Variants in PTCRA observed in about 807,000 individuals in gnomAD.
PTCRA encodes pre T-cell antigen receptor alpha.
A neutral mutation model predicts 13.4 loss-of-function variants in PTCRA; 9 were observed. The ratio of observed to expected loss-of-function variants is 0.67; its 90% CI spans 0.41 to 1.18. The LOEUF is 1.18. Among genes scored for constraint, PTCRA ranks in the 50% most tolerant of loss-of-function variants. The pLI, the probability that PTCRA is intolerant of heterozygous loss-of-function variation, is 0.01. For synonymous variants in PTCRA, 153 were observed against 161.9 expected (o/e 0.94, Z 0.42); for missense variants, 353 against 359.8 (o/e 0.98, Z 0.15).
chr6:42,925,268 G>A lies in PTCRA; in HGVS notation c.432G>A (p.Pro144=), dbSNP rs753917737. 63 of 1,588,610 alleles carry A rather than the reference G, an allele frequency of 4.0e-5. No homozygotes were observed. Among genetic ancestry groups the A allele is most frequent in the Admixed American group, 2.2e-4 (13 of 58,656 alleles). Residue 144 remains proline (P), a synonymous_variant, in exon 4 of 4, where the codon CCG becomes CCA. Transcript: ENST00000304672. This position sits in a 1 kb window ranked among gnomAD's most constrained non-coding sequence, Gnocchi z 4.4. The part of the protein sequence containing the change: ...TCPQEPLRGT[P]GGALWLGVLR... ...AGCGGTTCCTCCTCGCAGGGACACC[G>A]GGTGGGGCGCTGTGGCTGGGGGTCC...
chr6:42,924,425 G>GCTAGCATGGGCCTCAGTCTAC, intron 3 of PTCRA, 152 bp downstream of exon 3: 3 of 696,560 alleles, frequency 4.3e-6, no homozygotes, highest in Non-Finnish European at 5.2e-6. Context: ...TGGGGCACTG[G>GCTAGCATGGGCCTCAGTCTAC]CTAGCATGGG....
At chr6:42,923,580 G>A (rs1418088443) in intron 2 of PTCRA, among the ~76,000 whole-genome samples, 2 of 152,172 alleles carry the variant, frequency 1.3e-5, no homozygotes, top group Middle Eastern at 3.2e-3. Flanking sequence ...TGGCTTCCAA[G>A]GATAAAAATG....
chr6:42,920,647 T>C (rs754819331), intron 1 of PTCRA, among the ~76,000 whole-genome samples: 7 of 151,972 alleles, frequency 4.6e-5, no homozygotes, highest in Non-Finnish European at 7.4e-5. Context: ...GGATGGTCTC[T>C]ATCTCCTGAC....
intron 1 of PTCRA, among the ~76,000 whole-genome samples, chr6:42,916,894 A>C (rs890989017): frequency 6.6e-6 from 1 of 152,156 alleles, no homozygotes. Flanking sequence ...AGCCCATGGC[A>C]GGAGGCCTGA....
chr6:42,919,686 C>T lies in PTCRA; in HGVS notation c.59-3341C>T, dbSNP rs367843040. 9.1e-4 allele frequency among the ~76,000 whole-genome samples: 110 copies of T among 121,524 alleles called. 1 individual carries two copies. In the South Asian group the frequency reaches 0.015, roughly 17 times the overall value. The allele number at this position is 121,524 out of a possible 152,430, so 79.7% of individuals were successfully genotyped here. ...AAGCCATGATCATGCCATTGCACTC[C>T]GGCCTGGGCAAGAGAGAGAGACTCT... On this transcript the variant is annotated intron_variant, in intron 1 of 3. Transcript: ENST00000304672.
chr6:42,925,422 C>T lies in PTCRA; in HGVS notation c.586C>T (p.Leu196=), dbSNP rs747336644. 31 of 1,555,548 alleles carry T rather than the reference C, an allele frequency of 2.0e-5. No individual in the cohort carries two copies. The South Asian group carries it at 3.4e-4, about 17-fold the overall frequency. ...CCTGCGAGCCCTCGGCTCCCATCGA[C>T]TGCACCCGGCCACGGAGACTGGGGG... is the stretch of plus-strand genomic sequence containing the variant. The part of the protein sequence containing the change: ...TRLRALGSHR[L]HPATETGGRE... The change falls in exon 4 of 4, where the codon CTG becomes TTG. Residue 196 remains leucine, a synonymous_variant. Coordinates refer to ENST00000304672, the MANE Select transcript of PTCRA (RefSeq NM_138296.3). The surrounding 1 kb of genome is among the most constrained non-coding windows in gnomAD (Gnocchi z 4.4).
intron 1 of PTCRA, among the ~76,000 whole-genome samples, chr6:42,917,546 A>ATTATTATTAT (rs1179108886): frequency 7.2e-6 from 1 of 138,348 alleles, no homozygotes; most frequent in Non-Finnish European, 1.5e-5. Flanking sequence ...TATTATTATT[A>ATTATTATTAT]TTATTATTAT....
chr6:42,924,401 C>A (rs1384665979), intron 3 of PTCRA, 128 bp downstream of exon 3: 7 of 779,984 alleles, frequency 9.0e-6, no homozygotes, highest in Admixed American at 2.1e-5. Context: ...CATGTAGAGG[C>A]TGTCATGCTA....
At chr6:42,921,413 T>C (rs1490197860) in intron 1 of PTCRA, among the ~76,000 whole-genome samples, 1 of 49,036 alleles carries the variant, frequency 2.0e-5, no homozygotes, top group Non-Finnish European at 3.6e-5. Flanking sequence ...ACAAAGCTTC[T>C]TTTTTTTTTT....
In PTCRA at chr6:42,925,533, G is replaced by T. The variant is rs1406213803; in HGVS notation, c.697G>T (p.Val233Leu). ...TCCGGGTCGGAAGCCCGGGAGCCCA[G>T]TATGGGGGGAAGGGTCTTACCTCAG... ...TPPGRKPGSPVWGEGSYLSSY... is the reference protein window; with the variant it reads ...TPPGRKPGSPLWGEGSYLSSY... The change falls in exon 4 of 4, where the codon GTA becomes TTA. Residue 233 changes from valine to leucine, a missense_variant. Val to Leu is a conservative substitution (Grantham distance 32, BLOSUM62 1). Coordinates refer to ENST00000304672, the MANE Select transcript of PTCRA (RefSeq NM_138296.3). This position sits in a 1 kb window ranked among gnomAD's most constrained non-coding sequence, Gnocchi z 4.4. 1 of 1,587,482 alleles carries T rather than the reference G, an allele frequency of 6.3e-7. No homozygotes were observed. Among genetic ancestry groups the T allele is most frequent in the African/African-American group, 1.3e-5 (1 of 74,634 alleles).
rs1465255976 is a variant in PTCRA, at chr6:42,925,198, C to A, written c.425-63C>A. The A allele has an allele frequency of 2.0e-5, 31 of 1,522,242 alleles. No homozygotes were observed. Among genetic ancestry groups the A allele is most frequent in the East Asian group, 2.4e-5 (1 of 41,410 alleles). 94.3% of individuals were successfully genotyped at this position (1,522,242 alleles called of 1,614,324 possible). On this transcript the variant is annotated intron_variant, in intron 3 of 3. Coordinates refer to ENST00000304672, the MANE Select transcript of PTCRA (RefSeq NM_138296.3). The surrounding 1 kb of genome is among the most constrained non-coding windows in gnomAD (Gnocchi z 4.4). ...GGGCAGAGGACAAGGCCCTCTCCGCCGTTCTCTCCTGGGGTAGGGGGCTGC... is the reference window on the plus strand; with the variant it reads ...GGGCAGAGGACAAGGCCCTCTCCGCAGTTCTCTCCTGGGGTAGGGGGCTGC...
chr6:42,923,005 A>G, intron 1 of PTCRA, 22 bp from the exon 2 acceptor site: 1 of 1,612,366 alleles, frequency 6.2e-7, no homozygotes, highest in Non-Finnish European at 8.5e-7. Context: ...TCTAGCACCC[A>G]CAGGTACATG....
chr6:42,921,854 A>T (rs754606557), intron 1 of PTCRA, among the ~76,000 whole-genome samples: 34 of 151,260 alleles, frequency 2.2e-4, no homozygotes, highest in Admixed American at 1.8e-3. Context: ...ACCAACATGG[A>T]GAAACCCAGT....
In PTCRA at chr6:42,923,363, G is replaced by C; in HGVS notation, c.379+16G>C. The C allele has an allele frequency of 2.5e-6, 4 of 1,610,672 alleles. No individual in the cohort carries two copies. Among genetic ancestry groups the C allele is most frequent in the Non-Finnish European group, 3.4e-6 (4 of 1,177,330 alleles). ...CATCTGTCAGGTGGGGATGGAGCCT[G>C]GGCCCTTGCGGATGCTCCCTGTCCC... is the stretch of plus-strand genomic sequence containing the variant. On this transcript the variant is annotated intron_variant, in intron 2 of 3. Coordinates refer to ENST00000304672, the MANE Select transcript of PTCRA (RefSeq NM_138296.3).
chr6:42,918,838 G>A (rs1260478312), intron 1 of PTCRA, among the ~76,000 whole-genome samples: 1 of 148,618 alleles, frequency 6.7e-6, no homozygotes, highest in Non-Finnish European at 1.5e-5. Context: ...CGCCCAGGCT[G>A]GAGTGCAGTG....
intron 1 of PTCRA, among the ~76,000 whole-genome samples, chr6:42,918,070 A>G (rs1766962521): frequency 6.6e-6 from 1 of 152,110 alleles, no homozygotes; most frequent in Non-Finnish European, 1.5e-5. Flanking sequence ...AGCCTGGCCA[A>G]CATGACGAAA....
In PTCRA at chr6:42,925,611, G is replaced by A. The variant is rs780183620; in HGVS notation, c.775G>A (p.Ala259Thr). The A allele has an allele frequency of 1.2e-5, 19 of 1,587,776 alleles. No homozygotes were observed. The Admixed American group carries it at 2.1e-4, about 18-fold the overall frequency. ...QAWCSRSALR[A>T]PSSSLGAFFA... The stretch of plus-strand genomic sequence containing the variant: ...CTGGTGCTCAAGATCTGCCCTCAGG[G>A]CTCCTTCCTCCAGTCTTGGAGCATT... Residue 259 changes from alanine to threonine, a missense_variant, in exon 4 of 4, where the codon GCT becomes ACT. Physicochemically the swap from Ala to Thr is moderately conservative, Grantham distance 58. Transcript: ENST00000304672. This position sits in a 1 kb window ranked among gnomAD's most constrained non-coding sequence, Gnocchi z 4.4.
intron 1 of PTCRA, among the ~76,000 whole-genome samples, chr6:42,916,997 A>G (rs1246318967): frequency 1.1e-4 from 17 of 152,094 alleles, no homozygotes; most frequent in Admixed American, 1.1e-3. Context: ...GAATGTCTCT[A>G]TCTATATAAC....
chr6:42,923,460 G>A (rs147327689), intron 2 of PTCRA, 113 bp downstream of exon 2: 19 of 1,045,044 alleles, frequency 1.8e-5, no homozygotes, highest in South Asian at 9.0e-5. Flanking sequence ...GTGTCCAAGC[G>A]CAGAGCCTCT....
Sources: allele counts gnomAD v4.1 joint callset (sites outside exome capture counted in the v4.1 genomes callset), GRCh38; gene constraint gnomAD v4.1.1; non-coding constraint Gnocchi (gnomAD v3.1); transcripts MANE v1.5; gene names NCBI Gene and HGNC (gene_info 2026-07-23, HGNC 2026-07-21).